Variants in NRAP observed in about 807,000 individuals in gnomAD.
NRAP encodes the protein nebulin-related-anchoring protein.
A neutral mutation model predicts 225.9 loss-of-function variants in NRAP; 189 were observed. The observed-to-expected ratio is 0.84, with a 90% CI of 0.74 to 0.94. NRAP has a LOEUF of 0.94. Ranked by LOEUF, NRAP falls within the 40% of genes least tolerant of loss-of-function variation. The pLI is 0.00. For missense variants in NRAP, 2,176 were observed against 2,168.7 expected (o/e 1.00, Z -0.07); for synonymous variants, 769 against 790.7 (o/e 0.97, Z 0.46).
intron 14 of NRAP, among the ~76,000 whole-genome samples, chr10:113,639,821 C>G (rs565236133): frequency 6.6e-6 from 1 of 152,334 alleles, no homozygotes; most frequent in Non-Finnish European, 1.5e-5. Flanking sequence ...CACTTCCTCT[C>G]AACTTGTATG....
At chr10:113,620,399 C>A (rs1445878617) in intron 25 of NRAP, among the ~76,000 whole-genome samples, 1 of 152,110 alleles carries the variant, frequency 6.6e-6, no homozygotes, top group East Asian at 1.9e-4. Context: ...TCATTTGTCA[C>A]CCACTTTGTT....
chr10:113,657,741 G>T (rs1354086325), intron 3 of NRAP, among the ~76,000 whole-genome samples, 167 bp from the exon 4 acceptor site: 1 of 152,196 alleles, frequency 6.6e-6, no homozygotes, highest in Non-Finnish European at 1.5e-5. Flanking sequence ...GGTTTAATCT[G>T]CACCTCCAAC....
At position 113,632,058 on chromosome 10, in the gene NRAP, A is replaced by G. The variant is rs1008337606; in HGVS notation, c.1633-94T>C. ...CAAAGCAAAGTTGGATTTTTCCTCT[A>G]TTTACAGACCAGAGGCTCGGCTGTT... is the stretch of plus-strand genomic sequence containing the variant. On this transcript the variant is annotated intron_variant, in intron 16 of 41. Coordinates refer to ENST00000359988, the MANE Select transcript of NRAP (RefSeq NM_198060.4). 6.4e-6 allele frequency: 5 copies of G among 775,256 alleles called. No individual in the cohort carries two copies. The African/African-American group carries it at 8.6e-5, about 13-fold the overall frequency. The allele number at this position is 775,256 out of a possible 1,614,324, so 48.0% of individuals were successfully genotyped here. A position where few individuals can be genotyped will look rare whatever the true frequency, so the allele number is the denominator to read the frequency against.
intron 35 of NRAP, among the ~76,000 whole-genome samples, chr10:113,602,300 C>G (rs1056265226): frequency 6.6e-6 from 1 of 152,196 alleles, no homozygotes; most frequent in Non-Finnish European, 1.5e-5. Context: ...CCTCCCATAC[C>G]TCTCCCAGGT....
intron 18 of NRAP, among the ~76,000 whole-genome samples, chr10:113,630,456 G>A (rs1440510592): frequency 6.6e-6 from 1 of 152,142 alleles, no homozygotes; most frequent in African/African-American, 2.4e-5. Flanking sequence ...TGGTGATGGT[G>A]AAGGTGATGG....
In NRAP at chr10:113,663,575, C is replaced by T. The variant is rs1592896260; in HGVS notation, c.73-129G>A. 7.4e-6 allele frequency: 5 copies of T among 679,268 alleles called. No homozygotes were observed. The East Asian group carries it at 8.1e-5, about 11-fold the overall frequency. 42.1% of individuals were successfully genotyped at this position (679,268 alleles called of 1,614,324 possible). The stretch of plus-strand genomic sequence containing the variant: ...GATTTTAAAAAAATTAAAATCCACA[C>T]ACACAGCTATAACAACACTCACGGT... On this transcript the variant is annotated intron_variant, in intron 1 of 41. Transcript: ENST00000359988.
At chr10:113,592,163 G>T in intron 39 of NRAP, 31 bp downstream of exon 39, 1 of 1,384,818 alleles carries the variant, frequency 7.2e-7, no homozygotes, top group Non-Finnish European at 1.0e-6. Context: ...AAACTCATCA[G>T]TGACCGCAGG....
intron 11 of NRAP, 38 bp from the exon 12 acceptor site, chr10:113,643,076 A>C: frequency 3.0e-6 from 3 of 992,018 alleles, no homozygotes; most frequent in Non-Finnish European, 3.2e-6. Flanking sequence ...ATAGAACCAA[A>C]TCCGAAGTCA....
At chr10:113,626,560 C>G (rs1848303868) in intron 20 of NRAP, among the ~76,000 whole-genome samples, 1 of 152,114 alleles carries the variant, frequency 6.6e-6, no homozygotes, top group Non-Finnish European at 1.5e-5. Context: ...CCTGAGCCAC[C>G]CTTGCTTGGA....
intron 31 of NRAP, 89 bp from the exon 32 acceptor site, chr10:113,608,601 G>T: frequency 1.2e-6 from 1 of 821,658 alleles, no homozygotes; most frequent in Non-Finnish European, 2.0e-6. Context: ...TAGCCATAAA[G>T]CCTCGTTTTG....
chr10:113,640,658 A>T (rs751883928), intron 13 of NRAP, among the ~76,000 whole-genome samples: 1 of 152,190 alleles, frequency 6.6e-6, no homozygotes, highest in Non-Finnish European at 1.5e-5. Flanking sequence ...AAGAAAATAG[A>T]TGGAAAGGTG....
rs1191523233 is a variant in NRAP at position 113,642,840 on chromosome 10, CAT to C, written c.1215+92_1215+93del. On this transcript the variant is annotated intron_variant, in intron 12 of 41. Coordinates refer to ENST00000359988, the MANE Select transcript of NRAP (RefSeq NM_198060.4). ...TAAAAGGCCATGCTTCTCCAAGACACATAGATCCATTCCCATAGACTGTCCCT... is the reference window on the plus strand; with the variant it reads ...TAAAAGGCCATGCTTCTCCAAGACACAGATCCATTCCCATAGACTGTCCCT... The C allele has an allele frequency of 3.7e-5, 27 of 724,314 alleles. No individual in the cohort carries two copies. The African/African-American group carries it at 4.6e-4, about 12-fold the overall frequency. The allele number at this position is 724,314 out of a possible 1,614,324, so 44.9% of individuals were successfully genotyped here.
In NRAP at chr10:113,640,014, T is replaced by A. The variant is rs1849105813; in HGVS notation, c.1428+213A>T. 2.6e-5 allele frequency among the ~76,000 whole-genome samples: 4 copies of A among 152,218 alleles called. No individual in the cohort carries two copies. The South Asian group carries it at 8.3e-4, about 32-fold the overall frequency. ...GTTATTTTCAAGACAAAACTAGAGTTGTCCCTAGTTCACATTGAAAATCTA... is the reference window on the plus strand; with the variant it reads ...GTTATTTTCAAGACAAAACTAGAGTAGTCCCTAGTTCACATTGAAAATCTA... On this transcript the variant is annotated intron_variant, in intron 14 of 41. Coordinates refer to ENST00000359988, the MANE Select transcript of NRAP (RefSeq NM_198060.4).
chr10:113,662,594 T>A, intron 3 of NRAP, 85 bp downstream of exon 3: 1 of 829,400 alleles, frequency 1.2e-6, no homozygotes, highest in Non-Finnish European at 2.1e-6. Context: ...GGCTAGAATA[T>A]ATTCCTTTTA....
At chr10:113,604,542 T>A in intron 35 of NRAP, 67 bp downstream of exon 35, 1 of 1,430,162 alleles carries the variant, frequency 7.0e-7, no homozygotes, top group Non-Finnish European at 9.6e-7. Context: ...AAGCAGAGAT[T>A]GACACCCGGG....
chr10:113,625,947 G>A, intron 21 of NRAP, 100 bp downstream of exon 21: 1 of 734,032 alleles, frequency 1.4e-6, no homozygotes, highest in African/African-American at 1.8e-5. Flanking sequence ...AGGCTCTTTG[G>A]TTTCTGGATT....
In NRAP at chr10:113,631,899, C is replaced by T. The variant is rs1848603500; in HGVS notation, c.1698G>A (p.Met566Ile). 2 of 1,613,612 alleles carry T rather than the reference C, an allele frequency of 1.2e-6. No homozygotes were observed. Among genetic ancestry groups the T allele is most frequent in the African/African-American group, 1.3e-5 (1 of 74,926 alleles). ...GKGFEMKLDAMSLLAAKASGE... is the reference protein window; with the variant it reads ...GKGFEMKLDAISLLAAKASGE... The stretch of plus-strand genomic sequence containing the variant: ...CAGAGGCTTTGGCGGCCAGCAGAGA[C>T]ATGGCATCCAGCTTCATCTCAAATC... The change falls in exon 17 of 42, where the codon ATG becomes ATA. Residue 566 changes from methionine (M) to isoleucine (I), a missense_variant. This residue lies in a region of NRAP where 1,708 missense variants were observed against 1,695.5 expected (regional missense o/e 1.01). Transcript: ENST00000359988.
chr10:113,615,058 C>T, intron 27 of NRAP, 112 bp from the exon 28 acceptor site: 1 of 703,374 alleles, frequency 1.4e-6, no homozygotes, highest in Non-Finnish European at 2.6e-6. Flanking sequence ...CCTCCCCTGG[C>T]CAGTTGGAGT....
intron 14 of NRAP, among the ~76,000 whole-genome samples, chr10:113,634,778 A>G (rs1012550589): frequency 2.0e-5 from 3 of 152,188 alleles, no homozygotes; most frequent in Admixed American, 6.5e-5. Flanking sequence ...ATACTTTCCT[A>G]TATACGTCTT....
Sources: gnomAD v4.1 joint callset for allele counts (sites outside exome capture counted in the v4.1 genomes callset) on GRCh38, gnomAD v4.1.1 for gene constraint, gnomAD v4.1.1 regional missense constraint, MANE v1.5 for transcripts, NCBI Gene and HGNC (gene_info 2026-07-23, HGNC 2026-07-21) for gene names.